COL10A1: variants seen among roughly 807,000 people sequenced by gnomAD.
COL10A1 encodes collagen alpha-1(X) chain.
Under a neutral mutation model 18.2 loss-of-function variants are expected in COL10A1, and 10 were observed. That is an observed-to-expected ratio of 0.55 (90% CI 0.34 to 0.93). The LOEUF is 0.93. Ranked by LOEUF, COL10A1 falls within the 40% of genes least tolerant of loss-of-function variation. The pLI is 0.02. For missense variants in COL10A1, 897 were observed against 853.5 expected, an observed-to-expected ratio of 1.05 and a Z score of -0.64; for synonymous variants, 330 against 316.6, an observed-to-expected ratio of 1.04 and a Z score of -0.45.
chr6:116,138,402 G>T (rs1025034397), intron 1 of COL10A1, among the ~76,000 whole-genome samples: 1 of 152,158 alleles, frequency 6.6e-6, no homozygotes, highest in African/African-American at 2.4e-5. Flanking sequence ...TAAGATTTGT[G>T]TGAAAGTGTA....
chr6:116,151,881 T>C (rs1419528005), intron 1 of COL10A1, among the ~76,000 whole-genome samples: 1 of 152,242 alleles, frequency 6.6e-6, no homozygotes, highest in Non-Finnish European at 1.5e-5. Context: ...TCAAATATTC[T>C]TTTGTTCTGA....
chr6:116,167,588 T>C, the COL10A1 span, among the ~76,000 whole-genome samples: 1 of 152,302 alleles, frequency 6.6e-6, no homozygotes, highest in East Asian at 1.9e-4. Context: ...TTGATAAAAT[T>C]GCAATATTTT....
chr6:116,193,246 T>C, the COL10A1 span, among the ~76,000 whole-genome samples: 1 of 152,098 alleles, frequency 6.6e-6, no homozygotes, highest in Non-Finnish European at 1.5e-5. Context: ...TGCCCCATAG[T>C]ATCCAGTAAT....
the COL10A1 span, among the ~76,000 whole-genome samples, chr6:116,200,715 G>A: frequency 6.6e-6 from 1 of 151,936 alleles, no homozygotes; most frequent in Non-Finnish European, 1.5e-5. Context: ...GATATTTAAT[G>A]TCCTTATGGA....
At chr6:116,127,216 T>C (rs1698493055), upstream of COL10A1, among the ~76,000 whole-genome samples, 1 of 152,152 alleles carries the variant, frequency 6.6e-6, no homozygotes, top group Non-Finnish European at 1.5e-5. Flanking sequence ...TAATTGAAAG[T>C]TTGACCAGTG....
the COL10A1 span, among the ~76,000 whole-genome samples, chr6:116,193,488 AC>A: frequency 6.6e-5 from 10 of 152,082 alleles, no homozygotes; most frequent in Non-Finnish European, 1.0e-4. Flanking sequence ...TGTTTCTCTA[AC>A]TTTAAGTTAC....
chr6:116,181,078 A>G, the COL10A1 span, among the ~76,000 whole-genome samples: 2 of 152,046 alleles, frequency 1.3e-5, no homozygotes, highest in African/African-American at 4.8e-5. Context: ...CTTTAAGACA[A>G]CCTAACAGAG....
chr6:116,156,301 G>A (rs1780192135), intron 1 of COL10A1, among the ~76,000 whole-genome samples: 1 of 151,974 alleles, frequency 6.6e-6, no homozygotes, highest in Admixed American at 6.6e-5. Context: ...CTTTGTTTTT[G>A]GAGTTAAAAA....
intron 1 of COL10A1, among the ~76,000 whole-genome samples, chr6:116,132,480 T>C (rs1204529265): frequency 6.6e-6 from 1 of 152,194 alleles, no homozygotes; most frequent in African/African-American, 2.4e-5. Flanking sequence ...TGAGTTTTTT[T>C]TTTCATGTAA....
At chr6:116,168,284 C>G in the COL10A1 span, among the ~76,000 whole-genome samples, 2 of 151,938 alleles carry the variant, frequency 1.3e-5, no homozygotes, top group Non-Finnish European at 2.9e-5. Flanking sequence ...TTCACCTTCT[C>G]TCTTTTCTTG....
chr6:116,205,599 T>TG, the COL10A1 span, among the ~76,000 whole-genome samples: 15,237 of 151,658 alleles, frequency 0.1, 1,272 homozygotes, highest in African/African-American at 0.23. Context: ...TGGAATAAAT[T>TG]GGGGGGGAAA....
chr6:116,173,293 A>G, the COL10A1 span, among the ~76,000 whole-genome samples: 1 of 152,318 alleles, frequency 6.6e-6, no homozygotes, highest in East Asian at 1.9e-4. Flanking sequence ...AAGAGTTGCA[A>G]AATTTAAAAC....
chr6:116,161,884 T>G (rs1442753916), upstream of COL10A1, among the ~76,000 whole-genome samples: 2 of 152,370 alleles, frequency 1.3e-5, no homozygotes, highest in Admixed American at 1.3e-4. Flanking sequence ...TCCATCTGTT[T>G]GTGTCATCTA....
chr6:116,168,831 G>A, the COL10A1 span, among the ~76,000 whole-genome samples: 1 of 152,150 alleles, frequency 6.6e-6, no homozygotes. Flanking sequence ...CTGGCAGGCA[G>A]CTAGGGCTCT....
At chr6:116,130,701 C>T (rs553276073), upstream of COL10A1, among the ~76,000 whole-genome samples, 1 of 152,048 alleles carries the variant, frequency 6.6e-6, no homozygotes, top group South Asian at 2.1e-4. Flanking sequence ...CTGATGTAGC[C>T]AATGCACATT....
upstream of COL10A1, among the ~76,000 whole-genome samples, chr6:116,161,198 G>T (rs1244276149): frequency 1.6e-4 from 19 of 119,088 alleles, no homozygotes; most frequent in African/African-American, 4.4e-4. Context: ...TTGTGGGGTG[G>T]GGGGAGGGGG....
chr6:116,142,582 G>GT (rs1164053174), intron 1 of COL10A1, among the ~76,000 whole-genome samples: 17 of 151,256 alleles, frequency 1.1e-4, no homozygotes, highest in African/African-American at 4.2e-4. Flanking sequence ...ACAGTGTGTG[G>GT]TAAAAACTGT....
rs1463005746 is a variant in COL10A1 at position 116,120,054 on chromosome 6, A to G, written c.*19T>C. 6.7e-7 allele frequency: 1 copy of G among 1,482,178 alleles called. No individual in the cohort carries two copies. Among genetic ancestry groups the G allele is most frequent in the African/African-American group, 2.7e-5 (1 of 37,098 alleles). 91.8% of individuals were successfully genotyped at this position (1,482,178 alleles called of 1,614,324 possible). On this transcript the variant is annotated 3_prime_UTR_variant, in exon 3 of 3. Transcript: ENST00000651968. ...GAATGCTTTTTCTAGCACAAGATTTAGATTAGCTCTGTGTGTACTCACATT... is the reference window on the plus strand; with the variant it reads ...GAATGCTTTTTCTAGCACAAGATTTGGATTAGCTCTGTGTGTACTCACATT...
At chr6:116,211,209 C>G in the COL10A1 span, among the ~76,000 whole-genome samples, 1 of 152,008 alleles carries the variant, frequency 6.6e-6, no homozygotes, top group South Asian at 2.1e-4. Context: ...CCGTTCCAGC[C>G]AGCCCAGCCC....
Sources: gnomAD v4.1 joint callset for allele counts (sites outside exome capture counted in the v4.1 genomes callset) on GRCh38, gnomAD v4.1.1 for gene constraint, MANE v1.5 for transcripts, NCBI Gene and HGNC (gene_info 2026-07-23, HGNC 2026-07-21) for gene names.